The following FRMD7 variants were observed in gnomAD, a reference collection of about 807,000 sequenced individuals.
FRMD7 encodes the protein FERM domain containing 7, also known as FERM domain-containing protein 7.
FRMD7 carries 14 observed loss-of-function variants against 44.1 expected under a neutral mutation model. That is an observed-to-expected ratio of 0.32 (90% CI 0.21 to 0.50). FRMD7 has a LOEUF of 0.50. Among genes scored for constraint, FRMD7 ranks in the 20% least tolerant of loss-of-function variants. The probability of loss-of-function intolerance (pLI) is 0.99; values close to 1 mark genes in which losing one functional copy is unlikely to be tolerated. For missense variants in FRMD7, 501 were observed against 522.3 expected, an observed-to-expected ratio of 0.96 and a Z score of 0.40; for synonymous variants, 212 against 187.4, an observed-to-expected ratio of 1.13 and a Z score of -1.07.
At chrX:132,118,032 G>A (rs1569348847) in intron 1 of FRMD7, among the ~76,000 whole-genome samples, 1 of 111,656 alleles carries the variant, frequency 9.0e-6, no homozygotes, top group Non-Finnish European at 1.9e-5. Flanking sequence ...ATTAAATACG[G>A]AAATATGAAT....
intron 1 of FRMD7, among the ~76,000 whole-genome samples, chrX:132,114,252 C>T (rs746926082): frequency 1.8e-5 from 2 of 111,526 alleles, no homozygotes; most frequent in East Asian, 5.7e-4. Flanking sequence ...AGGTATAATG[C>T]CTTATAAAAC....
Position 132,082,459 on chromosome X carries a change from G to A in FRMD7, c.809C>T (p.Thr270Ile). The A allele has an allele frequency of 8.3e-7, 1 of 1,209,968 alleles. No homozygotes were observed. The highest frequency in any genetic ancestry group is 1.1e-6 in the Non-Finnish European group (1 of 893,549). ...GAAGAAAGCATGGTATTCCACACAA[G>A]TCTTCCAGAAAGCCTTGCAGGCATC... is the stretch of plus-strand genomic sequence containing the variant. ...SRDACKAFWK[T>I]CVEYHAFFRL... Residue 270 changes from threonine (T) to isoleucine (I), a missense_variant, in exon 9 of 12, where the codon ACT becomes ATT. This residue lies in a region of FRMD7 where 453 missense variants were observed against 452.7 expected (regional missense o/e 1.00). Transcript: ENST00000298542.
intron 4 of FRMD7, among the ~76,000 whole-genome samples, chrX:132,094,519 C>G (rs922355010): frequency 8.9e-6 from 1 of 112,227 alleles, no homozygotes; most frequent in African/African-American, 3.2e-5. Context: ...ATACTGTTTA[C>G]AAAACACTAT....
Position 132,091,968 on chromosome X carries a change from C to T in FRMD7, c.382+2074G>A, listed in dbSNP as rs1278148050. Among the ~76,000 whole-genome samples, 4 of 112,510 alleles carry T rather than the reference C, an allele frequency of 3.6e-5. No homozygotes were observed. In the East Asian group the frequency reaches 1.1e-3, roughly 31 times the overall value. On this transcript the variant is annotated intron_variant, in intron 5 of 11. Coordinates refer to ENST00000298542, the MANE Select transcript of FRMD7 (RefSeq NM_194277.3). ...TCCTACGCTTCATTTTTCTCCATTG[C>T]TCTTATCACCTGCTACCATGCATTA...
intron 5 of FRMD7, among the ~76,000 whole-genome samples, chrX:132,093,334 C>T (rs1158483365): frequency 8.9e-6 from 1 of 112,297 alleles, no homozygotes; most frequent in African/African-American, 3.2e-5. Flanking sequence ...TCTTTGGAGG[C>T]CTCTCTAGAA....
intron 1 of FRMD7, among the ~76,000 whole-genome samples, chrX:132,124,745 T>C (rs998674405): frequency 6.3e-5 from 7 of 111,553 alleles, no homozygotes; most frequent in South Asian, 3.8e-4. Flanking sequence ...TTGTCAATCA[T>C]GCAATGACAG....
chrX:132,103,486 GTCTATCTATCTATCTATCTATCTA>G (rs34605425), intron 1 of FRMD7, among the ~76,000 whole-genome samples: 68 of 98,371 alleles, frequency 6.9e-4, no homozygotes, highest in Middle Eastern at 5.1e-3. Context: ...GCCTTTAAAT[GTCTATCTATCTATCTATCTATCTA>G]TCTATCTATC....
rs1039105692 is a variant in FRMD7 at position 132,078,223 on chromosome X, A to G, written c.1794T>C (p.Thr598=). 2.5e-6 allele frequency: 3 copies of G among 1,211,227 alleles called. No homozygotes were observed. The highest frequency in any genetic ancestry group is 3.4e-6 in the Non-Finnish European group (3 of 894,862). The change falls in exon 12 of 12, where the codon ACT becomes ACC. Residue 598 remains threonine (T), a synonymous_variant. Coordinates refer to ENST00000298542, the MANE Select transcript of FRMD7 (RefSeq NM_194277.3). ...ATTCTGACCCAAAAGGAAAACGAAT[A>G]GTTTTCATGTCTGATTGGCTCTGGG... The part of the protein sequence containing the change: ...KRSQSQSDMK[T]IRFPFGSEFR...
intron 11 of FRMD7, 121 bp downstream of exon 11, chrX:132,079,885 C>A (rs1331502526): frequency 3.5e-6 from 2 of 575,309 alleles, no homozygotes; most frequent in Non-Finnish European, 6.2e-6. Context: ...AGGAAGCTAA[C>A]CTACTCAAAC....
chrX:132,095,483 C>CT (rs1370161100), intron 4 of FRMD7, among the ~76,000 whole-genome samples: 4 of 111,896 alleles, frequency 3.6e-5, no homozygotes, highest in Admixed American at 9.5e-5. Context: ...TCTATGTGTA[C>CT]TTTTTTTAAA....
chrX:132,079,981 A>G, intron 11 of FRMD7, 25 bp downstream of exon 11: 1 of 1,010,022 alleles, frequency 9.9e-7, no homozygotes, highest in Non-Finnish European at 1.4e-6. Flanking sequence ...TTATCTAAAG[A>G]AGTAGAAATT....
chrX:132,095,163 C>T, intron 4 of FRMD7, among the ~76,000 whole-genome samples: 2 of 108,271 alleles, frequency 1.8e-5, no homozygotes, highest in Middle Eastern at 9.7e-3. Context: ...GGTGCAGTCT[C>T]AGCTCACTGC....
In FRMD7 at chrX:132,107,604, G is replaced by GGAGA. The variant is rs749047439; in HGVS notation, c.58-6892_58-6889dup. ...CCTTTTCACTATATTTCTACATGGT[G>GGAGA]GAGAGAGAGAGAGAGAGAGAGAGAG... On this transcript the variant is annotated intron_variant, in intron 1 of 11. Transcript: ENST00000298542. 2.6e-3 allele frequency among the ~76,000 whole-genome samples: 237 copies of GGAGA among 91,197 alleles called. 3 individuals are homozygous for GGAGA. Among genetic ancestry groups the GGAGA allele is most frequent in the African/African-American group, 8.1e-3 (185 of 22,906 alleles). 79.2% of individuals were successfully genotyped at this position (91,197 alleles called of 115,157 possible). A position where few individuals can be genotyped will look rare whatever the true frequency, so the allele number is the denominator to read the frequency against.
In FRMD7 at chrX:132,078,687, T is replaced by C; in HGVS notation, c.1330A>G (p.Ser444Gly). ...AACTTACAGCTTGTTTGGAAGGAGC[T>C]TAGAGAACTCCTCTCTGAAAAAATG... ...RDIFSERSSLSSFQTSCKFSG... is the reference protein window; with the variant it reads ...RDIFSERSSLGSFQTSCKFSG... Residue 444 changes from serine to glycine, a missense_variant, in exon 12 of 12, where the codon AGC (serine) becomes GGC (glycine). By Grantham distance (56) the Ser-to-Gly change is moderately conservative. Transcript: ENST00000298542. 1 of 1,211,569 alleles carries C rather than the reference T, an allele frequency of 8.3e-7. No individual in the cohort carries two copies. Among genetic ancestry groups the C allele is most frequent in the Non-Finnish European group, 1.1e-6 (1 of 895,230 alleles).
rs767207907 is a variant in FRMD7 at position 132,077,901 on chromosome X, G to A, written c.2116C>T (p.Leu706=). The A allele has an allele frequency of 1.4e-5, 17 of 1,209,257 alleles. No homozygotes were observed. The highest frequency in any genetic ancestry group is 1.8e-5 in the Non-Finnish European group (16 of 893,183). ...GCTAAAAAGTAATTACATGGTTTTA[G>A]TGAAGTCCTGTCTTCAGCAGTTGGT... The part of the protein sequence containing the change: ...NTPTAEDRTS[L]KPCNYFLA The change falls in exon 12 of 12, where the codon CTA becomes TTA. Residue 706 remains leucine (L), a synonymous_variant. Coordinates refer to ENST00000298542, the MANE Select transcript of FRMD7 (RefSeq NM_194277.3).
intron 1 of FRMD7, among the ~76,000 whole-genome samples, chrX:132,111,675 T>C (rs1928782258): frequency 8.9e-6 from 1 of 112,100 alleles, no homozygotes; most frequent in South Asian, 3.7e-4. Context: ...AATAGCATTT[T>C]GGAAGCCAGA....
chrX:132,113,845 C>T (rs1361822684), intron 1 of FRMD7, among the ~76,000 whole-genome samples: 1 of 111,118 alleles, frequency 9.0e-6, no homozygotes, highest in East Asian at 2.8e-4. Context: ...TGACTATAGT[C>T]ACCTTGTTGT....
intron 1 of FRMD7, among the ~76,000 whole-genome samples, chrX:132,122,462 C>G (rs774796896): frequency 8.9e-6 from 1 of 112,420 alleles, no homozygotes; most frequent in African/African-American, 3.2e-5. Flanking sequence ...TGTTCTCTAT[C>G]TTGGTGAATG....
At chrX:132,081,465 A>T (rs1381070775) in intron 9 of FRMD7, among the ~76,000 whole-genome samples, 1 of 113,248 alleles carries the variant, frequency 8.8e-6, no homozygotes, top group Non-Finnish European at 1.9e-5. Context: ...CCATTATTGC[A>T]CTACAGCTGC....
Sources: allele counts gnomAD v4.1 joint callset (sites outside exome capture counted in the v4.1 genomes callset), GRCh38; gene constraint gnomAD v4.1.1; regional missense constraint gnomAD v4.1.1; transcripts MANE v1.5; gene names NCBI Gene and HGNC (gene_info 2026-07-23, HGNC 2026-07-21).